HECTD4: variants seen among roughly 807,000 people sequenced by gnomAD.
HECTD4 encodes HECT domain E3 ubiquitin protein ligase 4.
HECTD4 carries 114 observed loss-of-function variants against 471.5 expected under a neutral mutation model. The observed-to-expected ratio is 0.24, with a 90% confidence interval of 0.21 to 0.28. HECTD4 has a LOEUF of 0.28. HECTD4 is among the 10% of genes least tolerant of loss of function. The pLI is 1.00. For synonymous variants in HECTD4, 2,012 were observed against 2,256.0 expected (o/e 0.89, Z 3.07); for missense variants, 3,866 against 5,651.5 (o/e 0.68, Z 10.13).
chr12:112,217,754 C>G (rs1474692737), intron 45 of HECTD4, among the ~76,000 whole-genome samples: 3 of 152,206 alleles, frequency 2.0e-5, no homozygotes, highest in Admixed American at 2.0e-4. Context: ...ATTCCAAGGT[C>G]TGGTCCCCAT....
At position 112,252,536 on chromosome 12, in the gene HECTD4, T is replaced by C. The variant is rs758054267; in HGVS notation, c.3448-8A>G. ...GACTGTATCTCCTTCCACCTTAAAA[T>C]TTAAGGAAGGGGGGGAAATGCACTT... is the stretch of plus-strand genomic sequence containing the variant. On this transcript the variant is annotated splice_polypyrimidine_tract_variant and splice_region_variant and intron_variant, in intron 22 of 75. Transcript: ENST00000682272. 1 of 1,606,390 alleles carries C rather than the reference T, an allele frequency of 6.2e-7. No homozygotes were observed. Among genetic ancestry groups the C allele is most frequent in the African/African-American group, 1.3e-5 (1 of 74,404 alleles).
rs372237894 is a variant in HECTD4 at position 112,243,562 on chromosome 12, G to C, written c.4792-43C>G. 6.3e-7 allele frequency: 1 copy of C among 1,599,474 alleles called. No individual in the cohort carries two copies. Among genetic ancestry groups the C allele is most frequent in the Non-Finnish European group, 8.5e-7 (1 of 1,172,384 alleles). ...GGACACCTGACTCCTGCTAACTGCC[G>C]CAAGACCCCGCATGCTGTTAGGTGC... On this transcript the variant is annotated intron_variant, in intron 31 of 75. Coordinates refer to ENST00000682272, the MANE Select transcript of HECTD4 (RefSeq NM_001388303.1). This position sits in a 1 kb window ranked among gnomAD's most constrained non-coding sequence, Gnocchi z 6.6.
intron 15 of HECTD4, 24 bp from the exon 16 acceptor site, chr12:112,265,319 A>G (rs760559935): frequency 1.4e-5 from 20 of 1,440,244 alleles, no homozygotes; most frequent in Non-Finnish European, 1.9e-5. Context: ...GAAAAATGTA[A>G]CAATAAAATA....
chr12:112,373,435 T>A (rs1357910049), intron 1 of HECTD4, among the ~76,000 whole-genome samples: 1 of 151,690 alleles, frequency 6.6e-6, no homozygotes, highest in East Asian at 1.9e-4. Context: ...GGCAGAAGAA[T>A]CACTTGAACC....
intron 53 of HECTD4, among the ~76,000 whole-genome samples, chr12:112,204,170 G>C (rs994841236): frequency 6.6e-6 from 1 of 152,226 alleles, no homozygotes; most frequent in Non-Finnish European, 1.5e-5. Flanking sequence ...AGCCTCTAGA[G>C]TAGCTGGGAT....
chr12:112,202,867 A>G (rs1046792487), intron 54 of HECTD4: 7 of 152,262 alleles, frequency 4.6e-5, no homozygotes, highest in African/African-American at 1.7e-4. Flanking sequence ...CCACTGATCC[A>G]GTTTAATACA....
chr12:112,378,377 C>A (rs962377179), intron 1 of HECTD4, among the ~76,000 whole-genome samples: 7 of 146,296 alleles, frequency 4.8e-5, no homozygotes, highest in African/African-American at 1.8e-4. Context: ...CGCCACCACG[C>A]CCGGCTAATT....
rs1482221943 is a variant in HECTD4 at position 112,183,105 on chromosome 12, T to C, written c.10941A>G (p.Gln3647=). ...SVVNQSLFDT[Q]GSPGLEDYFN... The stretch of plus-strand genomic sequence containing the variant: ...AATAATCTTCTAACCCTGGGCTCCC[T>C]TGAGTATCAAAGAGACTCTGATTTA... The change falls in exon 62 of 76, where the codon CAA becomes CAG. Residue 3647 remains glutamine, a synonymous_variant. Coordinates refer to ENST00000682272, the MANE Select transcript of HECTD4 (RefSeq NM_001388303.1). The C allele has an allele frequency of 1.2e-6, 2 of 1,613,728 alleles. No individual in the cohort carries two copies. Among genetic ancestry groups the C allele is most frequent in the Non-Finnish European group, 1.7e-6 (2 of 1,179,658 alleles).
chr12:112,315,823 G>T (rs1206085100), intron 2 of HECTD4, among the ~76,000 whole-genome samples: 1 of 149,634 alleles, frequency 6.7e-6, no homozygotes, highest in Non-Finnish European at 1.5e-5. Context: ...TTGAACACAG[G>T]AGTTCAAGGT....
chr12:112,289,561 G>T (rs2135653440), intron 7 of HECTD4, among the ~76,000 whole-genome samples: 1 of 152,110 alleles, frequency 6.6e-6, no homozygotes, highest in East Asian at 1.9e-4. Flanking sequence ...GGTGTTCCAA[G>T]AATTTTTTTA....
Position 112,235,386 on chromosome 12 carries a change from C to T in HECTD4, c.5725+118G>A. On this transcript the variant is annotated intron_variant, in intron 36 of 75. Transcript: ENST00000682272. The surrounding 1 kb of genome is among the most constrained non-coding windows in gnomAD (Gnocchi z 5.0). The stretch of plus-strand genomic sequence containing the variant: ...TTCTTCCCCCTTCTCTATTCCTGTC[C>T]CCGCTCCCTTCTCTGTCACTCACTC... The T allele has an allele frequency of 6.8e-7, 1 of 1,481,334 alleles. No individual in the cohort carries two copies. The highest frequency in any genetic ancestry group is 9.1e-7 in the Non-Finnish European group (1 of 1,098,060). The allele number at this position is 1,481,334 out of a possible 1,614,324, so 91.8% of individuals were successfully genotyped here.
chr12:112,203,512 T>C, intron 54 of HECTD4, 124 bp downstream of exon 54: 1 of 800,910 alleles, frequency 1.2e-6, no homozygotes, highest in East Asian at 3.1e-5. Context: ...TTGCTTTGTG[T>C]CTTCGTCCCT....
In HECTD4 at chr12:112,259,196, G is replaced by C. The variant is rs758352386; in HGVS notation, c.2943C>G (p.Ser981=). The part of the protein sequence containing the change: ...LGHLLPVLLT[S]LMHPNLQTLI... ...GAGTCTGTAAATTTGGATGCATCAA[G>C]GAGGTCAGTAACACTGGAAGAAGGT... is the stretch of plus-strand genomic sequence containing the variant. Residue 981 remains serine, a synonymous_variant, in exon 19 of 76, where the codon TCC becomes TCG. Transcript: ENST00000682272. 36 of 1,613,790 alleles carry C rather than the reference G, an allele frequency of 2.2e-5. No homozygotes were observed. Among genetic ancestry groups the C allele is most frequent in the Admixed American group, 1.3e-4 (8 of 59,994 alleles).
rs148917716 is a variant in HECTD4, at chr12:112,361,224, T to G, written c.177+20728A>C. On this transcript the variant is annotated intron_variant, in intron 1 of 75. Transcript: ENST00000682272. ...CATCCATATTTTCTTCATTATTATATGTCATATGTCAGTTGCTATTCTGGG... is the reference window on the plus strand; with the variant it reads ...CATCCATATTTTCTTCATTATTATAGGTCATATGTCAGTTGCTATTCTGGG... 4.3e-3 allele frequency among the ~76,000 whole-genome samples: 659 copies of G among 152,292 alleles called. 7 individuals are homozygous for G. Among genetic ancestry groups the G allele is most frequent in the African/African-American group, 0.014 (599 of 41,558 alleles).
At position 112,208,566 on chromosome 12, in the gene HECTD4, A is replaced by C. The variant is rs1269539182; in HGVS notation, c.7932T>G (p.Ser2644=). ...TGGGAGGCGGGTGAGGGTCTGGGCC[A>C]GAGGTGATGAAATTCTCATAGCTGA... ...VELSYENFIT[S]GPDPHPPPIA... Residue 2644 remains serine (S), a synonymous_variant, in exon 51 of 76, where the codon TCT becomes TCG. Transcript: ENST00000682272. 6.2e-7 allele frequency: 1 copy of C among 1,608,714 alleles called. No individual in the cohort carries two copies. Among genetic ancestry groups the C allele is most frequent in the South Asian group, 1.1e-5 (1 of 90,128 alleles).
Position 112,373,010 on chromosome 12 carries a change from G to A in HECTD4, c.177+8942C>T, listed in dbSNP as rs568919995. On this transcript the variant is annotated intron_variant, in intron 1 of 75. Coordinates refer to ENST00000682272, the MANE Select transcript of HECTD4 (RefSeq NM_001388303.1). ...AGTCCACTCCTTGCCCTCCCATAGT[G>A]CTGAGATTACAGGCATGAGACACCA... Among the ~76,000 whole-genome samples, 45 of 152,206 alleles carry A rather than the reference G, an allele frequency of 3.0e-4. 1 individual carries two copies. The South Asian group carries it at 7.2e-3, about 25-fold the overall frequency.
In HECTD4 at chr12:112,252,423, C is replaced by T; in HGVS notation, c.3552+1G>A. 1 of 1,588,852 alleles carries T rather than the reference C, an allele frequency of 6.3e-7. No homozygotes were observed. Among genetic ancestry groups the T allele is most frequent in the Non-Finnish European group, 8.5e-7 (1 of 1,171,042 alleles). On this transcript the variant is annotated splice_donor_variant, in intron 23 of 75. Coordinates refer to ENST00000682272, the MANE Select transcript of HECTD4 (RefSeq NM_001388303.1). LOFTEE classifies it high-confidence loss of function. ...CCACGGCAGTGGTTAGATTCAAGTA[C>T]CTGAGCGCGAACTGTGCAAGCAAAG...
rs1422291031 is a variant in HECTD4 at position 112,259,231 on chromosome 12, T to C, written c.2908A>G (p.Met970Val). The C allele has an allele frequency of 3.1e-6, 5 of 1,613,904 alleles. No homozygotes were observed. Among genetic ancestry groups the C allele is most frequent in the South Asian group, 1.1e-5 (1 of 91,058 alleles). ...AACACTGGAAGAAGGTGACCAAGCA[T>C]AGTAGCCTTAGTAACTTGTTCCAAG... Reference protein sequence around the residue: ...KGLEQVTKATMLGHLLPVLLT... With the variant: ...KGLEQVTKATVLGHLLPVLLT... The change falls in exon 19 of 76, where the codon ATG (methionine) becomes GTG (valine). Residue 970 changes from methionine (M) to valine (V), a missense_variant. By Grantham distance (21) the Met-to-Val change is conservative (BLOSUM62 1). Coordinates refer to ENST00000682272, the MANE Select transcript of HECTD4 (RefSeq NM_001388303.1).
In HECTD4 at chr12:112,184,667, G is replaced by A. The variant is rs747608435; in HGVS notation, c.10299C>T (p.Tyr3433=). The change falls in exon 61 of 76, where the codon TAC becomes TAT. Residue 3433 remains tyrosine, a synonymous_variant. Transcript: ENST00000682272. The surrounding 1 kb of genome is among the most constrained non-coding windows in gnomAD (Gnocchi z 9.1). ...TGGTGTCTTCTTCCTGCAGCGGGATGTAGATCTCGTCTTTGAAGACCCCGC... is the reference window on the plus strand; with the variant it reads ...TGGTGTCTTCTTCCTGCAGCGGGATATAGATCTCGTCTTTGAAGACCCCGC... ...AHGGVFKDEI[Y]IPLQEEDTKK... The A allele has an allele frequency of 1.9e-6, 3 of 1,613,756 alleles. No individual in the cohort carries two copies. The highest frequency in any genetic ancestry group is 2.5e-6 in the Non-Finnish European group (3 of 1,179,870).
Sources: allele counts gnomAD v4.1 joint callset (sites outside exome capture counted in the v4.1 genomes callset), GRCh38; gene constraint gnomAD v4.1.1; non-coding constraint Gnocchi (gnomAD v3.1); transcripts MANE v1.5; gene names NCBI Gene and HGNC (gene_info 2026-07-23, HGNC 2026-07-21).